C14orf119: variants seen among roughly 807,000 people sequenced by gnomAD.
The protein encoded by C14orf119 is chromosome 14 open reading frame 119.
A neutral mutation model predicts 13.5 loss-of-function variants in C14orf119; 17 were observed. The observed-to-expected ratio is 1.26, with a 90% confidence interval of 0.86 to 1.88. The LOEUF (loss-of-function observed/expected upper bound fraction) is 1.88, where lower values mean the gene tolerates loss of function less well. Among genes scored for constraint, C14orf119 ranks in the 40% most tolerant of loss-of-function variants. C14orf119 has a pLI of 0.00. For missense variants in C14orf119, 162 were observed against 165.9 expected (o/e 0.98, Z 0.13); for synonymous variants, 61 against 61.9 (o/e 0.99, Z 0.07).
intron 1 of C14orf119, among the ~76,000 whole-genome samples, chr14:23,096,170 A>G (rs2048368343): frequency 6.6e-6 from 1 of 152,262 alleles, no homozygotes; most frequent in African/African-American, 2.4e-5. Flanking sequence ...TAAGAGACTG[A>G]AAACTATTAA....
Position 23,097,818 on chromosome 14 carries a change from C to T in C14orf119, c.160C>T (p.Arg54Cys), listed in dbSNP as rs1486549083. The change falls in exon 2 of 2, where the codon CGT becomes TGT. Residue 54 changes from arginine (R) to cysteine (C), a missense_variant. Physicochemically the swap from Arg to Cys is radical, Grantham distance 180 (BLOSUM62 -3). Coordinates refer to ENST00000319074, the MANE Select transcript of C14orf119 (RefSeq NM_017924.4). ...GTTTGCCAATTGGTCAGGTCCCCAGCGTGAACGTTTCCTAGAGGACCTGGT... is the reference window on the plus strand; with the variant it reads ...GTTTGCCAATTGGTCAGGTCCCCAGTGTGAACGTTTCCTAGAGGACCTGGT... ...HWFANWSGPQ[R>C]ERFLEDLVAK... is the part of the protein sequence containing the mutation. The T allele has an allele frequency of 1.4e-5, 23 of 1,614,074 alleles. No homozygotes were observed. The highest frequency in any genetic ancestry group is 3.3e-4 in the Middle Eastern group (2 of 6,084).
In C14orf119 at chr14:23,097,793, G is replaced by T. The variant is rs2048397340; in HGVS notation, c.135G>T (p.Trp45Cys). ...TSQEMKCILH[W>C]FANWSGPQRE... ...AGGAGATGAAGTGTATTCTTCACTG[G>T]TTTGCCAATTGGTCAGGTCCCCAGC... The change falls in exon 2 of 2, where the codon TGG becomes TGT. Residue 45 changes from tryptophan (W) to cysteine (C), a missense_variant. Physicochemically the swap from Trp to Cys is radical, Grantham distance 215 (BLOSUM62 -2). Transcript: ENST00000319074. The T allele has an allele frequency of 6.2e-7, 1 of 1,614,164 alleles. No homozygotes were observed. The highest frequency in any genetic ancestry group is 1.3e-5 in the African/African-American group (1 of 75,022).
At chr14:23,096,712 G>T (rs149097355) in intron 1 of C14orf119, among the ~76,000 whole-genome samples, 1 of 151,840 alleles carries the variant, frequency 6.6e-6, no homozygotes, top group Non-Finnish European at 1.5e-5. Context: ...ACGTAGCTAG[G>T]ACTACAGGTA....
chr14:23,096,508 C>CAAAAAAAAAAAAAAAAAAAAA (rs61586635), intron 1 of C14orf119, among the ~76,000 whole-genome samples: 1 of 62,676 alleles, frequency 1.6e-5, no homozygotes, highest in African/African-American at 8.0e-5. Context: ...GACTCCGTCT[C>CAAAAAAAAAAAAAAAAAAAAA]AAAAAAAAAA....
Position 23,097,705 on chromosome 14 carries a change from T to A in C14orf119, c.47T>A (p.Leu16His), listed in dbSNP as rs1594800389. 1.2e-6 allele frequency: 2 copies of A among 1,614,172 alleles called. No homozygotes were observed. The highest frequency in any genetic ancestry group is 1.1e-5 in the South Asian group (1 of 91,084). ...TCAATGCCACTATCCTTCCCATCTCTCTTACCCTCAGTACCACACAATACT... is the reference window on the plus strand; with the variant it reads ...TCAATGCCACTATCCTTCCCATCTCACTTACCCTCAGTACCACACAATACT... ...SSSMPLSFPS[L>H]LPSVPHNTNP... The change falls in exon 2 of 2, where the codon CTC becomes CAC. Residue 16 changes from leucine to histidine, a missense_variant. By Grantham distance (99) the Leu-to-His change is moderately conservative. Transcript: ENST00000319074.
Position 23,098,114 on chromosome 14 carries a change from T to C in C14orf119, c.*33T>C. ...TCAGACCAAAGAAGATAACCATAGC[T>C]GATGGAGCCATGACTCTCTACAATG... On this transcript the variant is annotated 3_prime_UTR_variant, in exon 2 of 2. Transcript: ENST00000319074. 1 of 1,590,640 alleles carries C rather than the reference T, an allele frequency of 6.3e-7. No homozygotes were observed. The highest frequency in any genetic ancestry group is 8.6e-7 in the Non-Finnish European group (1 of 1,165,004).
Position 23,097,706 on chromosome 14 carries a change from C to G in C14orf119, c.48C>G (p.Leu16=), listed in dbSNP as rs113769304. ...CAATGCCACTATCCTTCCCATCTCT[C>G]TTACCCTCAGTACCACACAATACTA... The part of the protein sequence containing the change: ...SSSMPLSFPS[L]LPSVPHNTNP... The change falls in exon 2 of 2, where the codon CTC becomes CTG. Residue 16 remains leucine, a synonymous_variant. Coordinates refer to ENST00000319074, the MANE Select transcript of C14orf119 (RefSeq NM_017924.4). 18 of 1,614,192 alleles carry G rather than the reference C, an allele frequency of 1.1e-5. No individual in the cohort carries two copies. The highest frequency in any genetic ancestry group is 9.3e-5 in the African/African-American group (7 of 75,056).
In C14orf119 at chr14:23,098,116, A is replaced by T. The variant is rs1566766352; in HGVS notation, c.*35A>T. ...AGACCAAAGAAGATAACCATAGCTG[A>T]TGGAGCCATGACTCTCTACAATGAT... is the stretch of plus-strand genomic sequence containing the variant. On this transcript the variant is annotated 3_prime_UTR_variant, in exon 2 of 2. Coordinates refer to ENST00000319074, the MANE Select transcript of C14orf119 (RefSeq NM_017924.4). 3 of 1,585,582 alleles carry T rather than the reference A, an allele frequency of 1.9e-6. No homozygotes were observed. The Admixed American group carries it at 5.1e-5, about 27-fold the overall frequency.
chr14:23,096,567 A>G (rs2048378039), intron 1 of C14orf119, among the ~76,000 whole-genome samples: 1 of 147,790 alleles, frequency 6.8e-6, no homozygotes, highest in African/African-American at 2.5e-5. Flanking sequence ...ATACTAAAAA[A>G]AAAAAAAAAT....
At position 23,096,610 on chromosome 14, in the gene C14orf119, A is replaced by G. The variant is rs1419453406; in HGVS notation, c.-2+991A>G. ...TTGTCACTCCACTCTGGGTCCCTCC[A>G]CTCTGACGCAGGCTGGAGTGCAGTG... On this transcript the variant is annotated intron_variant, in intron 1 of 1. Transcript: ENST00000319074. 2.7e-5 allele frequency among the ~76,000 whole-genome samples: 4 copies of G among 145,638 alleles called. No homozygotes were observed. The South Asian group carries it at 8.9e-4, about 32-fold the overall frequency.
Position 23,099,804 on chromosome 14 carries a change from T to G in C14orf119, c.*1723T>G. ...AGCATTAAGCTAAACAGGAAATCAT[T>G]AAGAGGGACTATCGAACCTTAAAGT... On this transcript the variant is annotated 3_prime_UTR_variant, in exon 2 of 2. Transcript: ENST00000319074. The G allele has an allele frequency of 4.8e-6, 1 of 206,732 alleles. No individual in the cohort carries two copies. The highest frequency in any genetic ancestry group is 1.1e-5 in the Non-Finnish European group (1 of 94,556). 12.8% of individuals were successfully genotyped at this position (206,732 alleles called of 1,614,324 possible).
At chr14:23,096,575 A>T (rs1004693615) in intron 1 of C14orf119, among the ~76,000 whole-genome samples, 54 of 142,904 alleles carry the variant, frequency 3.8e-4, no homozygotes, top group African/African-American at 8.4e-4. Flanking sequence ...AAAAAAAAAA[A>T]ATTTTTTTTT....
intron 1 of C14orf119, among the ~76,000 whole-genome samples, chr14:23,096,651 A>G (rs2048380299): frequency 2.0e-5 from 3 of 150,262 alleles, no homozygotes; most frequent in South Asian, 4.2e-4. Context: ...ATCAGGGCTC[A>G]CTGCAGCCTC....
rs572482884 is a variant in C14orf119, at chr14:23,099,043, A to G, written c.*962A>G. ...TATTCTGTAAGTTTGCTTTACAACA[A>G]TACGAAAATAAGTGACAATTTACAG... is the stretch of plus-strand genomic sequence containing the variant. On this transcript the variant is annotated 3_prime_UTR_variant, in exon 2 of 2. Coordinates refer to ENST00000319074, the MANE Select transcript of C14orf119 (RefSeq NM_017924.4). The G allele has an allele frequency of 9.0e-6, 3 of 333,564 alleles. No individual in the cohort carries two copies. Among genetic ancestry groups the G allele is most frequent in the South Asian group, 1.6e-4 (1 of 6,360 alleles). The allele number at this position is 333,564 out of a possible 1,614,324, so 20.7% of individuals were successfully genotyped here.
At position 23,098,659 on chromosome 14, in the gene C14orf119, CT is replaced by C. The variant is rs201509412; in HGVS notation, c.*592del. ...ACTGTTTGAATCGAACTCGCGGTGA[CT>C]TTTTTTTTTTTTTAAAAACATGGGT... On this transcript the variant is annotated 3_prime_UTR_variant, in exon 2 of 2. Coordinates refer to ENST00000319074, the MANE Select transcript of C14orf119 (RefSeq NM_017924.4). The C allele has an allele frequency of 0.074, 11,457 of 154,392 alleles. 275 individuals carry two copies. The highest frequency in any genetic ancestry group is 0.13 in the East Asian group (651 of 5,066). The allele number at this position is 154,392 out of a possible 1,614,324, so 9.6% of individuals were successfully genotyped here.
In C14orf119 at chr14:23,097,921, C is replaced by A. The variant is rs146539585; in HGVS notation, c.263C>A (p.Pro88Gln). The part of the protein sequence containing the change: ...EQLSVSGADR[P>Q]PSIFECQLHL... ...CTTAGTGTGTCTGGGGCAGACCGAC[C>A]ACCTTCTATCTTTGAGTGCCAGCTA... Residue 88 changes from proline (P) to glutamine (Q), a missense_variant, in exon 2 of 2, where the codon CCA becomes CAA. Coordinates refer to ENST00000319074, the MANE Select transcript of C14orf119 (RefSeq NM_017924.4). 9 of 1,614,116 alleles carry A rather than the reference C, an allele frequency of 5.6e-6. No individual in the cohort carries two copies. The highest frequency in any genetic ancestry group is 7.6e-6 in the Non-Finnish European group (9 of 1,179,976).
chr14:23,099,491 T>G lies in C14orf119; in HGVS notation c.*1410T>G. 4.8e-6 allele frequency: 2 copies of G among 412,670 alleles called. No individual in the cohort carries two copies. Among genetic ancestry groups the G allele is most frequent in the Non-Finnish European group, 8.8e-6 (2 of 226,008 alleles). The allele number at this position is 412,670 out of a possible 1,614,324, so 25.6% of individuals were successfully genotyped here. ...TTATGGTCTGAAGTAACCAGCAACC[T>G]AGGAACATAGAAGGTAATATTTGGC... On this transcript the variant is annotated 3_prime_UTR_variant, in exon 2 of 2. Coordinates refer to ENST00000319074, the MANE Select transcript of C14orf119 (RefSeq NM_017924.4).
Position 23,098,613 on chromosome 14 carries a change from AT to A in C14orf119, c.*534del, listed in dbSNP as rs1178533989. 1 of 171,070 alleles carries A rather than the reference AT, an allele frequency of 5.8e-6. No individual in the cohort carries two copies. The highest frequency in any genetic ancestry group is 6.1e-5 in the Admixed American group (1 of 16,386). 10.6% of individuals were successfully genotyped at this position (171,070 alleles called of 1,614,324 possible). On this transcript the variant is annotated 3_prime_UTR_variant, in exon 2 of 2. Coordinates refer to ENST00000319074, the MANE Select transcript of C14orf119 (RefSeq NM_017924.4). ...TATGAAAAATCAGGAGAGGGAGATA[AT>A]TAGTTGCTTCCTCCTTCACACTGTT...
chr14:23,097,662 C>T lies in C14orf119; in HGVS notation c.4C>T (p.Pro2Ser). The change falls in exon 2 of 2, where the codon CCA (proline) becomes TCA (serine). Residue 2 changes from proline (P) to serine (S), a missense_variant. Transcript: ENST00000319074. M[P>S]LESSSSMPLS... is the part of the protein sequence containing the mutation. ...AACAGTGCTTTTATGTTTCAGGATG[C>T]CACTGGAGTCATCCTCTTCAATGCC... 6.2e-7 allele frequency: 1 copy of T among 1,612,694 alleles called. No homozygotes were observed. Among genetic ancestry groups the T allele is most frequent in the Non-Finnish European group, 8.5e-7 (1 of 1,178,760 alleles).
Sources: allele counts gnomAD v4.1 joint callset (sites outside exome capture counted in the v4.1 genomes callset), GRCh38; gene constraint gnomAD v4.1.1; transcripts MANE v1.5; gene names NCBI Gene and HGNC (gene_info 2026-07-23, HGNC 2026-07-21).